Variants in NOL4 observed in about 807,000 individuals in gnomAD.
NOL4 encodes cancer/testis antigen 125.
NOL4 carries 17 observed loss-of-function variants against 75.9 expected under a neutral mutation model. The ratio of observed to expected loss-of-function variants is 0.22; its 90% confidence interval spans 0.15 to 0.34. The LOEUF is 0.34. NOL4 is among the 10% of genes least tolerant of loss of function. The pLI is 1.00. For missense variants in NOL4, 614 were observed against 793.5 expected (o/e 0.77, Z 2.72); for synonymous variants, 292 against 289.9 (o/e 1.01, Z -0.07).
intron 8 of NOL4, among the ~76,000 whole-genome samples, chr18:33,944,541 AG>A (rs1176914600): frequency 1.3e-5 from 2 of 151,990 alleles, no homozygotes; most frequent in African/African-American, 4.8e-5. Context: ...AAGGTAGGAA[AG>A]GTATAGGGTA....
chr18:34,013,515 C>T (rs1366415889), intron 6 of NOL4, among the ~76,000 whole-genome samples: 2 of 151,922 alleles, frequency 1.3e-5, no homozygotes, highest in African/African-American at 2.4e-5. Context: ...TATTCAAAAC[C>T]TTCCCTAGTC....
At chr18:33,907,153 C>T (rs929542635) in intron 9 of NOL4, among the ~76,000 whole-genome samples, 17 of 151,720 alleles carry the variant, frequency 1.1e-4, no homozygotes, top group Admixed American at 9.2e-4. Flanking sequence ...GAAACCCCGT[C>T]TCTACTAAAA....
intron 2 of NOL4, among the ~76,000 whole-genome samples, chr18:34,108,775 T>G (rs2079441979): frequency 1.3e-5 from 2 of 151,990 alleles, no homozygotes; most frequent in Admixed American, 1.3e-4. Flanking sequence ...CTTTCAATAG[T>G]AAATAGATAG....
chr18:33,914,726 T>C (rs559208280), intron 9 of NOL4, among the ~76,000 whole-genome samples: 6 of 152,170 alleles, frequency 3.9e-5, no homozygotes, highest in East Asian at 3.9e-4. Flanking sequence ...GGGAACTCAA[T>C]GGTAACCCCA....
chr18:34,062,254 T>C (rs970500746), intron 5 of NOL4, among the ~76,000 whole-genome samples: 1 of 152,076 alleles, frequency 6.6e-6, no homozygotes, highest in African/African-American at 2.4e-5. Context: ...AAGTTTGTGC[T>C]GTTAATAATT....
At chr18:33,970,034 C>A (rs2145862835) in intron 6 of NOL4, among the ~76,000 whole-genome samples, 1 of 152,266 alleles carries the variant, frequency 6.6e-6, no homozygotes, top group Non-Finnish European at 1.5e-5. Flanking sequence ...TTACTGGACC[C>A]ATTCAGTAGG....
At chr18:34,012,057 A>G (rs1301783731) in intron 6 of NOL4, among the ~76,000 whole-genome samples, 1 of 151,956 alleles carries the variant, frequency 6.6e-6, no homozygotes, top group Non-Finnish European at 1.5e-5. Flanking sequence ...GAACATGCAT[A>G]GTAGGCATAG....
intron 10 of NOL4, among the ~76,000 whole-genome samples, chr18:33,854,793 A>C (rs1041818902): frequency 2.0e-5 from 3 of 151,750 alleles, no homozygotes; most frequent in Non-Finnish European, 4.4e-5. Context: ...TGTCAATCCA[A>C]GTTGATTGGC....
intron 1 of NOL4, among the ~76,000 whole-genome samples, chr18:34,201,312 A>G (rs553320294): frequency 6.6e-5 from 10 of 151,826 alleles, no homozygotes; most frequent in Non-Finnish European, 8.8e-5. Context: ...CATCTTCTGT[A>G]TGTAGATAAT....
At chr18:34,009,402 A>T (rs2074246421) in intron 6 of NOL4, among the ~76,000 whole-genome samples, 1 of 151,962 alleles carries the variant, frequency 6.6e-6, no homozygotes, top group South Asian at 2.1e-4. Context: ...AGAATTTTTT[A>T]GGCTATTAAA....
At chr18:34,186,661 A>G (rs559629097) in intron 1 of NOL4, among the ~76,000 whole-genome samples, 2 of 152,304 alleles carry the variant, frequency 1.3e-5, no homozygotes, top group African/African-American at 4.8e-5. Context: ...TCTCTCATAT[A>G]CAATATTTAA....
chr18:33,984,855 A>G (rs938560832), intron 6 of NOL4, among the ~76,000 whole-genome samples: 6 of 152,118 alleles, frequency 3.9e-5, no homozygotes, highest in African/African-American at 1.4e-4. Flanking sequence ...AACCTAGTGA[A>G]TTCTACATTT....
chr18:34,211,168 G>T (rs936144547), intron 1 of NOL4, among the ~76,000 whole-genome samples: 3 of 152,106 alleles, frequency 2.0e-5, no homozygotes, highest in Non-Finnish European at 4.4e-5. Context: ...TTAATAGGTA[G>T]TTCAAGGTAA....
At chr18:34,145,262 G>A (rs908250516) in intron 1 of NOL4, among the ~76,000 whole-genome samples, 13 of 151,962 alleles carry the variant, frequency 8.6e-5, no homozygotes, top group South Asian at 6.2e-4. Flanking sequence ...TACCTTCTAG[G>A]ACTCAATGAA....
At chr18:34,073,740 A>G (rs899782327) in intron 5 of NOL4, among the ~76,000 whole-genome samples, 2 of 152,094 alleles carry the variant, frequency 1.3e-5, no homozygotes, top group Admixed American at 1.3e-4. Context: ...TATATTAAGT[A>G]GTGAAGCTAC....
intron 10 of NOL4, among the ~76,000 whole-genome samples, chr18:33,881,047 C>G (rs891109227): frequency 5.3e-5 from 8 of 150,798 alleles, no homozygotes; most frequent in Non-Finnish European, 1.2e-4. Flanking sequence ...CAAAAGAAAA[C>G]AAAACAAAAC....
chr18:33,890,862 G>A (rs2065051269), intron 9 of NOL4, among the ~76,000 whole-genome samples: 1 of 151,936 alleles, frequency 6.6e-6, no homozygotes, highest in Admixed American at 6.6e-5. Flanking sequence ...AGAAATAGTG[G>A]TAGAGAAATA....
intron 9 of NOL4, among the ~76,000 whole-genome samples, chr18:33,886,836 TATATATCTAGATATATCTAC>T (rs1397272074): frequency 7.8e-6 from 1 of 128,810 alleles, no homozygotes; most frequent in East Asian, 2.0e-4. Flanking sequence ...CATATATATC[TATATATCTAGATATATCTAC>T]ATATATCTAT....
At chr18:34,188,697 T>C (rs900824766) in intron 1 of NOL4, among the ~76,000 whole-genome samples, 3 of 152,212 alleles carry the variant, frequency 2.0e-5, no homozygotes, top group Non-Finnish European at 4.4e-5. Context: ...CACGTATCAC[T>C]AAACCAGGAA....
Sources: gnomAD v4.1 joint callset for allele counts (sites outside exome capture counted in the v4.1 genomes callset) on GRCh38, gnomAD v4.1.1 for gene constraint, MANE v1.5 for transcripts, NCBI Gene and HGNC (gene_info 2026-07-23, HGNC 2026-07-21) for gene names.